PCTP: variants seen among roughly 807,000 people sequenced by gnomAD.
PCTP encodes START domain-containing protein 2.
In PCTP, 27 loss-of-function variants were observed where a neutral mutation model predicts 31.0. The ratio of observed to expected loss-of-function variants is 0.87; its 90% CI spans 0.64 to 1.20. The LOEUF is 1.20. Ranked by LOEUF, PCTP falls within the 50% of genes most tolerant of loss-of-function variation. PCTP has a pLI of 0.00. For synonymous variants in PCTP, 108 were observed against 101.2 expected, an observed-to-expected ratio of 1.07 and a Z score of -0.40; for missense variants, 287 against 268.2, an observed-to-expected ratio of 1.07 and a Z score of -0.49.
chr17:55,751,320 G>A, intron 1 of PCTP, 76 bp downstream of exon 1: 2 of 1,515,108 alleles, frequency 1.3e-6, no homozygotes, highest in African/African-American at 2.8e-5. Context: ...AGTGCGGGGC[G>A]GCAGTCGCGG....
At chr17:55,751,964 CT>C (rs1909742260) in intron 1 of PCTP, among the ~76,000 whole-genome samples, 1 of 152,172 alleles carries the variant, frequency 6.6e-6, no homozygotes, top group African/African-American at 2.4e-5. Context: ...TAAAAGTCGC[CT>C]GCAGGTAATG....
At chr17:55,844,789 G>A (rs28444158), downstream of PCTP, among the ~76,000 whole-genome samples, 3,954 of 152,074 alleles carry the variant, frequency 0.026, 150 homozygotes, top group African/African-American at 0.089. Context: ...TTGTTATAAA[G>A]GTTAAATAAC....
At chr17:55,816,150 A>G (rs900457524) in intron 3 of PCTP, among the ~76,000 whole-genome samples, 1 of 152,182 alleles carries the variant, frequency 6.6e-6, no homozygotes, top group African/African-American at 2.4e-5. Flanking sequence ...ATATGCTTCA[A>G]TGGCTTTTAT....
chr17:55,767,482 T>C (rs760070128), intron 2 of PCTP, 30 bp downstream of exon 2: 3 of 1,435,308 alleles, frequency 2.1e-6, no homozygotes, highest in African/African-American at 1.7e-5. Flanking sequence ...CTTTTTTTTT[T>C]AGACGTACTT....
chr17:55,774,966 G>T (rs986179355), intron 5 of PCTP, 107 bp downstream of exon 5: 5 of 1,211,620 alleles, frequency 4.1e-6, no homozygotes, highest in Non-Finnish European at 4.8e-6. Context: ...TGTCTCAGGC[G>T]TAATGAGGCT....
intron 2 of PCTP, 123 bp downstream of exon 2, chr17:55,767,575 C>T: frequency 1.8e-6 from 1 of 552,954 alleles, no homozygotes. Flanking sequence ...AGCGATTCTC[C>T]TGCCTCAGCC....
At chr17:55,820,930 G>T (rs1462956703) in intron 3 of PCTP, among the ~76,000 whole-genome samples, 1 of 152,210 alleles carries the variant, frequency 6.6e-6, no homozygotes, top group Non-Finnish European at 1.5e-5. Flanking sequence ...CTGCTAAAAG[G>T]AATGTTAGGC....
chr17:55,795,768 A>G (rs961133740), intron 3 of PCTP, among the ~76,000 whole-genome samples: 16 of 152,082 alleles, frequency 1.1e-4, no homozygotes, highest in African/African-American at 3.6e-4. Flanking sequence ...AAACAATCAT[A>G]ATAGAAATAT....
intron 2 of PCTP, among the ~76,000 whole-genome samples, chr17:55,784,742 C>T (rs1911688174): frequency 6.6e-6 from 1 of 152,224 alleles, no homozygotes; most frequent in Non-Finnish European, 1.5e-5. Context: ...GGTTTAACCT[C>T]TTCTGCTGTA....
the PCTP span, among the ~76,000 whole-genome samples, chr17:55,850,809 A>G: frequency 6.6e-6 from 1 of 152,166 alleles, no homozygotes; most frequent in African/African-American, 2.4e-5. Flanking sequence ...TTAAAGATAT[A>G]ATTTGTTATC....
At chr17:55,799,094 A>G (rs1912283316) in intron 3 of PCTP, among the ~76,000 whole-genome samples, 1 of 151,958 alleles carries the variant, frequency 6.6e-6, no homozygotes, top group South Asian at 2.1e-4. Context: ...ATAATAAAGA[A>G]TGCTGGACTA....
At chr17:55,812,109 G>C (rs8080394) in intron 3 of PCTP, among the ~76,000 whole-genome samples, 7,246 of 152,216 alleles carry the variant, frequency 0.048, 547 homozygotes, top group African/African-American at 0.16. Flanking sequence ...TCAGTGAGTA[G>C]AACTAAAGAG....
At chr17:55,848,794 G>A in the PCTP span, among the ~76,000 whole-genome samples, 1 of 152,166 alleles carries the variant, frequency 6.6e-6, no homozygotes, top group East Asian at 1.9e-4. Context: ...GCTGGAAGTT[G>A]GGAATTGTGC....
chr17:55,838,788 T>C (rs1905860950), intron 5 of PCTP, among the ~76,000 whole-genome samples: 1 of 152,166 alleles, frequency 6.6e-6, no homozygotes, highest in Admixed American at 6.5e-5. Flanking sequence ...TAAAGAAAAC[T>C]GGAGCTCAAA....
At chr17:55,834,432 A>G (rs910565435) in intron 5 of PCTP, among the ~76,000 whole-genome samples, 1 of 152,100 alleles carries the variant, frequency 6.6e-6, no homozygotes, top group East Asian at 1.9e-4. Flanking sequence ...CTCTCAGTCC[A>G]TGTGAGAAAA....
downstream of PCTP, among the ~76,000 whole-genome samples, chr17:55,827,838 CAG>C (rs770812607): frequency 2.0e-5 from 3 of 152,096 alleles, no homozygotes; most frequent in Non-Finnish European, 4.4e-5. Flanking sequence ...CGGTGGGAGT[CAG>C]AGAGAGGACC....
chr17:55,834,952 G>A (rs1405910354), intron 5 of PCTP, among the ~76,000 whole-genome samples: 2 of 152,166 alleles, frequency 1.3e-5, no homozygotes, highest in African/African-American at 4.8e-5. Context: ...GATGTAATGA[G>A]TTAAGATAAG....
downstream of PCTP, among the ~76,000 whole-genome samples, chr17:55,846,619 T>C (rs116781124): frequency 0.038 from 5,732 of 152,284 alleles, 331 homozygotes; most frequent in African/African-American, 0.13. Flanking sequence ...ATTACTGCCA[T>C]AGAATGGCTG....
chr17:55,818,853 G>A (rs1913015364), intron 3 of PCTP, among the ~76,000 whole-genome samples: 2 of 151,828 alleles, frequency 1.3e-5, no homozygotes, highest in Non-Finnish European at 2.9e-5. Flanking sequence ...GGTGCATCTT[G>A]TGCCAGAACA....
Sources: allele counts gnomAD v4.1 joint callset (sites outside exome capture counted in the v4.1 genomes callset), GRCh38; gene constraint gnomAD v4.1.1; transcripts MANE v1.5; gene names NCBI Gene and HGNC (gene_info 2026-07-23, HGNC 2026-07-21).